The following SPOCK3 variants were observed in gnomAD, a reference collection of about 807,000 sequenced individuals.
The protein encoded by SPOCK3 is testican-3.
Under a neutral mutation model 56.6 loss-of-function variants are expected in SPOCK3, and 30 were observed. The observed-to-expected ratio is 0.53, with a 90% CI of 0.40 to 0.72. SPOCK3 has a LOEUF of 0.72. Ranked by LOEUF, SPOCK3 falls within the 30% of genes least tolerant of loss-of-function variation. The pLI is 0.00. For missense variants in SPOCK3, 527 were observed against 530.0 expected (o/e 0.99, Z 0.06); for synonymous variants, 196 against 183.3 (o/e 1.07, Z -0.56).
chr4:166,933,572 T>G (rs1162881739), intron 4 of SPOCK3, among the ~76,000 whole-genome samples: 3 of 152,200 alleles, frequency 2.0e-5, no homozygotes, highest in African/African-American at 7.2e-5. Flanking sequence ...ACATGTATTA[T>G]TAATGTTAGG....
chr4:166,897,058 G>T (rs1735468432), intron 5 of SPOCK3, among the ~76,000 whole-genome samples: 1 of 152,056 alleles, frequency 6.6e-6, no homozygotes, highest in South Asian at 2.1e-4. Context: ...ATGACAGTTT[G>T]TCCTGGTAAA....
At chr4:167,205,316 T>A (rs13111684) in intron 2 of SPOCK3, among the ~76,000 whole-genome samples, 527 of 36,250 alleles carry the variant, frequency 0.015, 7 homozygotes, top group Non-Finnish European at 0.02. Context: ...ATTATATATT[T>A]TATATATATA....
intron 8 of SPOCK3, among the ~76,000 whole-genome samples, chr4:166,751,457 C>T (rs1736366846): frequency 3.3e-5 from 5 of 152,090 alleles, no homozygotes; most frequent in Admixed American, 3.3e-4. Context: ...TATATAATTA[C>T]TTTGTTATTT....
chr4:167,026,270 T>C (rs1580045367), intron 3 of SPOCK3, among the ~76,000 whole-genome samples: 1 of 152,076 alleles, frequency 6.6e-6, no homozygotes, highest in Non-Finnish European at 1.5e-5. Context: ...TCACTTTATG[T>C]AATTCAATAA....
intron 3 of SPOCK3, among the ~76,000 whole-genome samples, chr4:167,048,536 A>T (rs561019704): frequency 2.2e-4 from 33 of 152,278 alleles, no homozygotes; most frequent in African/African-American, 3.1e-4. Context: ...CAGCTTAGGA[A>T]ATAGCATTTC....
At chr4:166,880,489 C>CTGTAA (rs1270212926) in intron 6 of SPOCK3, among the ~76,000 whole-genome samples, 1 of 152,118 alleles carries the variant, frequency 6.6e-6, no homozygotes, top group African/African-American at 2.4e-5. Flanking sequence ...GTAAATTCTC[C>CTGTAA]AGCGTTTACT....
At chr4:167,198,043 T>TA (rs879825683) in intron 2 of SPOCK3, among the ~76,000 whole-genome samples, 47 of 152,114 alleles carry the variant, frequency 3.1e-4, no homozygotes, top group African/African-American at 1.0e-3. Flanking sequence ...TTATGATATA[T>TA]AAAAAATCTA....
At chr4:167,114,888 A>C (rs975456529) in intron 2 of SPOCK3, among the ~76,000 whole-genome samples, 1 of 151,996 alleles carries the variant, frequency 6.6e-6, no homozygotes, top group Non-Finnish European at 1.5e-5. Flanking sequence ...ATTCATGGAA[A>C]GTTAACAGGC....
At chr4:166,751,679 T>A (rs906733102) in intron 8 of SPOCK3, among the ~76,000 whole-genome samples, 2 of 152,152 alleles carry the variant, frequency 1.3e-5, no homozygotes, top group Non-Finnish European at 2.9e-5. Context: ...GAATAAATGT[T>A]AGTTTTCTTT....
chr4:167,010,000 A>T (rs1228357088), intron 3 of SPOCK3, among the ~76,000 whole-genome samples: 1 of 152,136 alleles, frequency 6.6e-6, no homozygotes, highest in Non-Finnish European at 1.5e-5. Context: ...AATAATAGGG[A>T]GTTCTGAGTA....
chr4:167,116,909 G>GTATATATCTATATATATATATATATA (rs1446671235), intron 2 of SPOCK3, among the ~76,000 whole-genome samples: 1 of 123,518 alleles, frequency 8.1e-6, no homozygotes, highest in Non-Finnish European at 1.8e-5. Context: ...TTGTGTGTGT[G>GTATATATCTATATATATATATATATA]TGTGTATATA....
intron 2 of SPOCK3, among the ~76,000 whole-genome samples, chr4:167,220,584 C>T (rs1333058730): frequency 1.3e-5 from 2 of 149,974 alleles, no homozygotes; most frequent in South Asian, 2.1e-4. Context: ...TGAGGTCTGG[C>T]TTTTTTGCTC....
intron 3 of SPOCK3, among the ~76,000 whole-genome samples, chr4:167,029,383 G>A (rs1752042393): frequency 6.6e-6 from 1 of 151,804 alleles, no homozygotes; most frequent in Non-Finnish European, 1.5e-5. Flanking sequence ...CTTACTAAAT[G>A]TACCATTATT....
intron 6 of SPOCK3, among the ~76,000 whole-genome samples, chr4:166,872,037 C>A (rs1732537287): frequency 1.3e-5 from 1 of 76,978 alleles, no homozygotes. Context: ...GGCACACACA[C>A]ACACAAACAC....
chr4:166,941,426 T>A (rs1579728568), intron 4 of SPOCK3, among the ~76,000 whole-genome samples: 3 of 152,226 alleles, frequency 2.0e-5, no homozygotes, highest in African/African-American at 7.2e-5. Flanking sequence ...TTTTTATCAA[T>A]TGCAGTATTA....
chr4:167,226,602 C>T (rs1396264963), intron 2 of SPOCK3, among the ~76,000 whole-genome samples: 1 of 152,056 alleles, frequency 6.6e-6, no homozygotes, highest in Admixed American at 6.6e-5. Context: ...CTGATCATTC[C>T]CATTAAAGAT....
intron 3 of SPOCK3, among the ~76,000 whole-genome samples, chr4:167,058,472 T>A (rs976737567): frequency 1.3e-5 from 2 of 152,018 alleles, no homozygotes; most frequent in East Asian, 3.9e-4. Flanking sequence ...CAAGGAGAAC[T>A]ACAAACCACT....
chr4:167,230,565 G>A (rs1259233895), intron 2 of SPOCK3, among the ~76,000 whole-genome samples: 1 of 149,300 alleles, frequency 6.7e-6, no homozygotes, highest in Admixed American at 6.7e-5. Context: ...CCACTGTTGA[G>A]GGAGTTCTTA....
intron 7 of SPOCK3, among the ~76,000 whole-genome samples, chr4:166,779,327 T>C (rs962924438): frequency 6.6e-6 from 1 of 152,080 alleles, no homozygotes; most frequent in Non-Finnish European, 1.5e-5. Flanking sequence ...AAATTTGAGG[T>C]GATCCAGTTG....
Sources: gnomAD v4.1 joint callset for allele counts (sites outside exome capture counted in the v4.1 genomes callset) on GRCh38, gnomAD v4.1.1 for gene constraint, MANE v1.5 for transcripts, NCBI Gene and HGNC (gene_info 2026-07-23, HGNC 2026-07-21) for gene names.